CDC5L: variants seen among roughly 807,000 people sequenced by gnomAD.
The protein encoded by CDC5L is cell division cycle 5-like protein.
In CDC5L, 18 loss-of-function variants were observed where a neutral mutation model predicts 104.1. The ratio of observed to expected loss-of-function variants is 0.17; its 90% CI spans 0.12 to 0.26. The LOEUF (loss-of-function observed/expected upper bound fraction) is 0.26. CDC5L is among the 10% of genes least tolerant of loss of function. The pLI is 1.00. For synonymous variants in CDC5L, 331 were observed against 322.7 expected (o/e 1.03, Z -0.28); for missense variants, 673 against 956.9 (o/e 0.70, Z 3.91).
intron 8 of CDC5L, among the ~76,000 whole-genome samples, chr6:44,410,650 A>G (rs1263563635): frequency 3.9e-5 from 6 of 152,082 alleles, no homozygotes; most frequent in Admixed American, 6.6e-5. Flanking sequence ...GAGACCTCCT[A>G]TACTGTTGAG....
At chr6:44,388,823 T>G (rs1293768917) in intron 1 of CDC5L, among the ~76,000 whole-genome samples, 1 of 152,204 alleles carries the variant, frequency 6.6e-6, no homozygotes, top group African/African-American at 2.4e-5. Context: ...TTCTTCCGTT[T>G]GTTAAAACTT....
intron 14 of CDC5L, among the ~76,000 whole-genome samples, chr6:44,432,670 T>C: frequency 6.6e-6 from 1 of 152,214 alleles, no homozygotes; most frequent in Admixed American, 6.5e-5. Flanking sequence ...TTATGTAGAA[T>C]GTGGTAGAGG....
intron 1 of CDC5L, among the ~76,000 whole-genome samples, chr6:44,388,149 G>GCCC (rs1410904915): frequency 1.3e-4 from 4 of 31,102 alleles, no homozygotes; most frequent in Non-Finnish European, 2.7e-4. Context: ...CTCCCACCCC[G>GCCC]CCCCCCCGCC....
chr6:44,396,644 T>TA (rs1173158705), intron 5 of CDC5L, among the ~76,000 whole-genome samples: 1 of 152,006 alleles, frequency 6.6e-6, no homozygotes, highest in Non-Finnish European at 1.5e-5. Flanking sequence ...CTCCAGATCT[T>TA]ACAGGTTGAG....
At chr6:44,442,274 A>G (rs1259151902) in intron 14 of CDC5L, among the ~76,000 whole-genome samples, 1 of 152,058 alleles carries the variant, frequency 6.6e-6, no homozygotes, top group Non-Finnish European at 1.5e-5. Flanking sequence ...ATCCATTTAC[A>G]GAGTAATTAT....
intron 12 of CDC5L, 85 bp from the exon 13 acceptor site, chr6:44,426,397 G>A (rs146268571): frequency 9.1e-6 from 8 of 877,128 alleles, no homozygotes; most frequent in African/African-American, 1.7e-5. Flanking sequence ...ATGTAAAACC[G>A]CTGTTTAATT....
chr6:44,441,207 T>C (rs955672219), intron 14 of CDC5L, among the ~76,000 whole-genome samples: 19 of 152,242 alleles, frequency 1.2e-4, no homozygotes, highest in African/African-American at 4.6e-4. Context: ...GAGATTAACA[T>C]TTCTAGATTC....
Position 44,403,925 on chromosome 6 carries a change from A to T in CDC5L, c.656A>T (p.Lys219Met). ...AATGCCGAAATCCCATTTGAAAAAA[A>T]GCCTGCCCTTGGTTTTTATGATACT... is the stretch of plus-strand genomic sequence containing the variant. ...DYNAEIPFEK[K>M]PALGFYDTSE... Residue 219 changes from lysine to methionine, a missense_variant, in exon 6 of 16, where the codon AAG becomes ATG. Physicochemically the swap from Lys to Met is moderately conservative, Grantham distance 95. Coordinates refer to ENST00000371477, the MANE Select transcript of CDC5L (RefSeq NM_001253.4). 6.2e-7 allele frequency: 1 copy of T among 1,613,818 alleles called. No individual in the cohort carries two copies. Among genetic ancestry groups the T allele is most frequent in the Non-Finnish European group, 8.5e-7 (1 of 1,179,882 alleles).
At chr6:44,403,237 A>C (rs1303316098) in intron 5 of CDC5L, among the ~76,000 whole-genome samples, 1 of 152,056 alleles carries the variant, frequency 6.6e-6, no homozygotes, top group African/African-American at 2.4e-5. Flanking sequence ...GTGATTCTTT[A>C]ATTGTTAAAT....
chr6:44,411,635 A>AGTGTGTGTGTGTGTGTGTGTGTGT lies in CDC5L; in HGVS notation c.1092+3004_1092+3005insTGTGTGTGTGTGTGTGTGTGTGTG, dbSNP rs372072520. ...GAGAGAGAGAGAGAGAGAGAGAGAG[A>AGTGTGTGTGTGTGTGTGTGTGTGT]GAGTGTGTGTGTGTGTGTGACTAAA... On this transcript the variant is annotated intron_variant, in intron 8 of 15. Transcript: ENST00000371477. Among the ~76,000 whole-genome samples the AGTGTGTGTGTGTGTGTGTGTGTGT allele has an allele frequency of 5.5e-4, 67 of 121,470 alleles. No individual in the cohort carries two copies. The South Asian group carries it at 0.011, about 21-fold the overall frequency. The allele number at this position is 121,470 out of a possible 152,430, so 79.7% of individuals were successfully genotyped here.
At chr6:44,441,176 C>G (rs986019025) in intron 14 of CDC5L, among the ~76,000 whole-genome samples, 2 of 152,194 alleles carry the variant, frequency 1.3e-5, no homozygotes, top group Non-Finnish European at 2.9e-5. Context: ...TGGTAGCCAC[C>G]ATTGTACTCT....
rs11572026 is a variant in CDC5L at position 44,427,624 on chromosome 6, T to A, written c.1893+900T>A. 5.7e-3 allele frequency among the ~76,000 whole-genome samples: 863 copies of A among 152,160 alleles called. 10 individuals are homozygous for A. The highest frequency in any genetic ancestry group is 0.016 in the South Asian group (75 of 4,822). Reference sequence around the variant, plus strand: ...TAGAAAATAGAGAAAGGAAGGAGGGTTTCGATTTATATTTCAATAACTTGT... The same window carrying A: ...TAGAAAATAGAGAAAGGAAGGAGGGATTCGATTTATATTTCAATAACTTGT... On this transcript the variant is annotated intron_variant, in intron 13 of 15. Coordinates refer to ENST00000371477, the MANE Select transcript of CDC5L (RefSeq NM_001253.4).
At chr6:44,438,500 G>A (rs981625833) in intron 14 of CDC5L, among the ~76,000 whole-genome samples, 1 of 152,056 alleles carries the variant, frequency 6.6e-6, no homozygotes, top group Non-Finnish European at 1.5e-5. Context: ...ACTGGTGCTG[G>A]TAGATTTTAA....
At chr6:44,430,939 G>A (rs1415718363) in intron 14 of CDC5L, among the ~76,000 whole-genome samples, 1 of 152,124 alleles carries the variant, frequency 6.6e-6, no homozygotes. Flanking sequence ...GGGAGAGAAG[G>A]GGTACTTCAG....
At chr6:44,401,845 C>T (rs1280090205) in intron 5 of CDC5L, among the ~76,000 whole-genome samples, 2 of 150,006 alleles carry the variant, frequency 1.3e-5, no homozygotes, top group Non-Finnish European at 3.0e-5. Flanking sequence ...TGATGTTCCC[C>T]TTCCTGTGTC....
At position 44,447,284 on chromosome 6, in the gene CDC5L, T is replaced by C. The variant is rs993692797; in HGVS notation, c.*573T>C. On this transcript the variant is annotated 3_prime_UTR_variant, in exon 16 of 16. Coordinates refer to ENST00000371477, the MANE Select transcript of CDC5L (RefSeq NM_001253.4). Reference sequence around the variant, plus strand: ...ACCTCAAATTTTTTTTTTGTTAATATCACTTTAAAGAAGGTCTCTTGTCTG... The same window carrying C: ...ACCTCAAATTTTTTTTTTGTTAATACCACTTTAAAGAAGGTCTCTTGTCTG... 2.0e-5 allele frequency: 3 copies of C among 152,206 alleles called. No individual in the cohort carries two copies. Among genetic ancestry groups the C allele is most frequent in the Admixed American group, 2.0e-4 (3 of 15,278 alleles). 9.4% of individuals were successfully genotyped at this position (152,206 alleles called of 1,614,324 possible).
At chr6:44,401,475 A>T (rs1467831059) in intron 5 of CDC5L, among the ~76,000 whole-genome samples, 1 of 151,962 alleles carries the variant, frequency 6.6e-6, no homozygotes, top group African/African-American at 2.4e-5. Flanking sequence ...CACCAGAAAT[A>T]CTGATGTCCT....
intron 9 of CDC5L, among the ~76,000 whole-genome samples, chr6:44,422,290 A>G (rs1792220168): frequency 6.6e-6 from 1 of 152,216 alleles, no homozygotes; most frequent in Non-Finnish European, 1.5e-5. Context: ...ACAAAACTCA[A>G]AGAGTCATCT....
chr6:44,440,001 C>T (rs572903227), intron 14 of CDC5L, among the ~76,000 whole-genome samples: 118 of 152,234 alleles, frequency 7.8e-4, no homozygotes, highest in African/African-American at 1.8e-3. Context: ...TAATCATTGC[C>T]ATGGAACTTG....
Sources: gnomAD v4.1 joint callset for allele counts (sites outside exome capture counted in the v4.1 genomes callset) on GRCh38, gnomAD v4.1.1 for gene constraint, MANE v1.5 for transcripts, NCBI Gene and HGNC (gene_info 2026-07-23, HGNC 2026-07-21) for gene names.